PEX5L: variants seen among roughly 807,000 people sequenced by gnomAD.
PEX5L encodes peroxisomal biogenesis factor 5 like.
In PEX5L, 30 loss-of-function variants were observed where a neutral mutation model predicts 84.0. The ratio of observed to expected loss-of-function variants is 0.36; its 90% CI spans 0.27 to 0.48. PEX5L has a LOEUF of 0.48. Among genes scored for constraint, PEX5L ranks in the 20% least tolerant of loss-of-function variants. The pLI is 0.99. For synonymous variants in PEX5L, 270 were observed against 283.1 expected, an observed-to-expected ratio of 0.95 and a Z score of 0.46; for missense variants, 533 against 754.6, an observed-to-expected ratio of 0.71 and a Z score of 3.44.
At chr3:179,953,012 T>A (rs1779519849) in intron 2 of PEX5L, among the ~76,000 whole-genome samples, 1 of 152,216 alleles carries the variant, frequency 6.6e-6, no homozygotes, top group Non-Finnish European at 1.5e-5. Flanking sequence ...AAGGATTCCC[T>A]ATTTAATAAA....
chr3:179,985,246 G>T (rs368279215), intron 1 of PEX5L, among the ~76,000 whole-genome samples: 9 of 152,126 alleles, frequency 5.9e-5, no homozygotes, highest in African/African-American at 2.2e-4. Flanking sequence ...TGTTTTTCAT[G>T]ATTAGCATAA....
intron 1 of PEX5L, among the ~76,000 whole-genome samples, chr3:179,990,352 T>A (rs967347038): frequency 1.3e-5 from 2 of 152,136 alleles, no homozygotes; most frequent in African/African-American, 4.8e-5. Context: ...TAACATGAAA[T>A]TCCTTTCATT....
intron 2 of PEX5L, among the ~76,000 whole-genome samples, chr3:179,958,199 T>A (rs1421597936): frequency 1.3e-5 from 2 of 152,230 alleles, no homozygotes; most frequent in African/African-American, 4.8e-5. Flanking sequence ...TTTCAGATTT[T>A]ACCATCTTAT....
chr3:179,823,110 G>A (rs147178026), intron 8 of PEX5L, among the ~76,000 whole-genome samples: 3 of 152,156 alleles, frequency 2.0e-5, no homozygotes, highest in Non-Finnish European at 2.9e-5. Flanking sequence ...GTAGTATTGA[G>A]AAAAATATAG....
chr3:179,840,006 A>T (rs546133324), intron 8 of PEX5L, among the ~76,000 whole-genome samples: 1 of 152,006 alleles, frequency 6.6e-6, no homozygotes, highest in African/African-American at 2.4e-5. Context: ...GAGGGATGAA[A>T]GGGTAGAGAG....
chr3:180,034,685 A>G (rs1469939639), intron 1 of PEX5L, among the ~76,000 whole-genome samples: 2 of 152,164 alleles, frequency 1.3e-5, no homozygotes, highest in Non-Finnish European at 2.9e-5. Context: ...AGTAGGAAAA[A>G]AGTATTATGC....
chr3:179,874,726 GTTTTT>G (rs869167224), intron 6 of PEX5L, among the ~76,000 whole-genome samples: 1,234 of 44,864 alleles, frequency 0.028, 12 homozygotes, highest in South Asian at 0.063. Flanking sequence ...AAAAATTATG[GTTTTT>G]TTTTTTGTTT....
chr3:179,808,224 T>C (rs1175002112), intron 13 of PEX5L, 48 bp downstream of exon 13: 18 of 1,470,462 alleles, frequency 1.2e-5, no homozygotes, highest in South Asian at 2.9e-5. Flanking sequence ...TGAAAACTTA[T>C]TTGTTACAGA....
chr3:179,976,139 G>C (rs973303396), intron 1 of PEX5L, among the ~76,000 whole-genome samples: 1 of 152,210 alleles, frequency 6.6e-6, no homozygotes, highest in Non-Finnish European at 1.5e-5. Context: ...ATGGGCAAAA[G>C]GAAAGAACTC....
At chr3:179,852,509 G>A (rs1469386878) in intron 8 of PEX5L, among the ~76,000 whole-genome samples, 4 of 152,152 alleles carry the variant, frequency 2.6e-5, no homozygotes. Context: ...AATAATTTGT[G>A]GACATGTTAA....
intron 8 of PEX5L, among the ~76,000 whole-genome samples, chr3:179,830,086 C>T (rs1050136715): frequency 9.2e-5 from 14 of 151,568 alleles, no homozygotes; most frequent in Non-Finnish European, 2.9e-5. Context: ...CTTGAGCCAC[C>T]GCCCGGCCTT....
At chr3:179,910,015 C>G (rs1021050403) in intron 2 of PEX5L, among the ~76,000 whole-genome samples, 2 of 152,168 alleles carry the variant, frequency 1.3e-5, no homozygotes, top group African/African-American at 4.8e-5. Context: ...GAACAACCAC[C>G]CATGAATGAC....
intron 2 of PEX5L, among the ~76,000 whole-genome samples, chr3:179,926,674 A>G (rs1251452546): frequency 6.6e-6 from 1 of 152,178 alleles, no homozygotes; most frequent in Non-Finnish European, 1.5e-5. Flanking sequence ...TTGTCTCTCC[A>G]ACTAGAATGA....
At chr3:179,847,360 G>T (rs566817314) in intron 8 of PEX5L, among the ~76,000 whole-genome samples, 1 of 151,912 alleles carries the variant, frequency 6.6e-6, no homozygotes, top group Non-Finnish European at 1.5e-5. Flanking sequence ...GGAGAACCCC[G>T]ACTAATATAA....
intron 8 of PEX5L, among the ~76,000 whole-genome samples, chr3:179,856,547 G>A (rs1275061935): frequency 3.9e-5 from 6 of 152,156 alleles, no homozygotes. Flanking sequence ...AGACTCTTCT[G>A]AGGCATATTA....
At chr3:179,830,104 C>A (rs1560274302) in intron 8 of PEX5L, among the ~76,000 whole-genome samples, 1 of 151,810 alleles carries the variant, frequency 6.6e-6, no homozygotes, top group African/African-American at 2.4e-5. Flanking sequence ...CTTAAACTTG[C>A]TATATCTAAA....
At position 179,811,868 on chromosome 3, in the gene PEX5L, A is replaced by G; in HGVS notation, c.1087T>C (p.Trp363Arg). Reference protein sequence around the residue: ...ILQDPGDAEAWQFLGITQAEN... With the variant: ...ILQDPGDAEARQFLGITQAEN... ...GCCTGGGTTATCCCGAGGAACTGCCATGCCTACGAAAGACAACTGATGTTA... is the reference window on the plus strand; with the variant it reads ...GCCTGGGTTATCCCGAGGAACTGCCGTGCCTACGAAAGACAACTGATGTTA... The change falls in exon 11 of 15, where the codon TGG becomes CGG. Residue 363 changes from tryptophan to arginine, a missense_variant. By Grantham distance (101) the Trp-to-Arg change is moderately radical. Coordinates refer to ENST00000467460, the MANE Select transcript of PEX5L (RefSeq NM_016559.3). 1 of 1,612,660 alleles carries G rather than the reference A, an allele frequency of 6.2e-7. No individual in the cohort carries two copies. The highest frequency in any genetic ancestry group is 8.5e-7 in the Non-Finnish European group (1 of 1,178,588).
At chr3:180,028,013 T>C (rs1791122175) in intron 1 of PEX5L, among the ~76,000 whole-genome samples, 1 of 152,196 alleles carries the variant, frequency 6.6e-6, no homozygotes, top group Admixed American at 6.5e-5. Context: ...CATCTGTCCA[T>C]TATTGGTGAT....
intron 7 of PEX5L, among the ~76,000 whole-genome samples, chr3:179,862,600 C>G (rs1746609559): frequency 6.6e-6 from 1 of 152,112 alleles, no homozygotes; most frequent in Non-Finnish European, 1.5e-5. Flanking sequence ...CTATTGTCTT[C>G]CTGTTGGTTC....
Sources: gnomAD v4.1 joint callset for allele counts (sites outside exome capture counted in the v4.1 genomes callset) on GRCh38, gnomAD v4.1.1 for gene constraint, MANE v1.5 for transcripts, NCBI Gene and HGNC (gene_info 2026-07-23, HGNC 2026-07-21) for gene names.